The following C8orf34 variants were observed in gnomAD, a reference collection of about 807,000 sequenced individuals.
C8orf34 encodes the protein chromosome 8 open reading frame 34.
A neutral mutation model predicts 68.3 loss-of-function variants in C8orf34; 65 were observed. The ratio of observed to expected loss-of-function variants is 0.95; its 90% CI spans 0.78 to 1.17. C8orf34 has a LOEUF of 1.17. C8orf34 is among the 50% of genes most tolerant of loss of function. The probability of loss-of-function intolerance (pLI) is 0.00; values close to 1 mark genes in which losing one functional copy is unlikely to be tolerated. For synonymous variants in C8orf34, 244 were observed against 241.2 expected (o/e 1.01, Z -0.11); for missense variants, 664 against 655.4 (o/e 1.01, Z -0.14).
At chr8:68,755,394 T>A (rs1311795779) in intron 10 of C8orf34, among the ~76,000 whole-genome samples, 1 of 152,276 alleles carries the variant, frequency 6.6e-6, no homozygotes, top group Non-Finnish European at 1.5e-5. Flanking sequence ...GCCAGCATTA[T>A]AAAGGTGTTG....
chr8:68,473,895 C>T lies in C8orf34; in HGVS notation c.736+5075C>T, dbSNP rs577316416. ...CTGGTAGTTGTAACCCTGTTGATTA[C>T]GCTGTCATTCTTCTGACTCCCTGCT... On this transcript the variant is annotated intron_variant, in intron 4 of 13. Transcript: ENST00000518698. Among the ~76,000 whole-genome samples, 126 of 152,252 alleles carry T rather than the reference C, an allele frequency of 8.3e-4. 1 individual carries two copies. The highest frequency in any genetic ancestry group is 2.7e-3 in the African/African-American group (114 of 41,544).
intron 7 of C8orf34, among the ~76,000 whole-genome samples, chr8:68,591,514 T>C (rs896303738): frequency 6.6e-6 from 1 of 152,134 alleles, no homozygotes; most frequent in African/African-American, 2.4e-5. Flanking sequence ...TCATAAACAG[T>C]AGGTCCTGTA....
intron 10 of C8orf34, among the ~76,000 whole-genome samples, chr8:68,755,274 G>C (rs990429161): frequency 6.6e-6 from 1 of 152,174 alleles, no homozygotes; most frequent in Non-Finnish European, 1.5e-5. Flanking sequence ...CGGATTATGT[G>C]AGTGTCTTCC....
At chr8:68,462,263 C>T (rs1811872144) in intron 3 of C8orf34, among the ~76,000 whole-genome samples, 1 of 152,028 alleles carries the variant, frequency 6.6e-6, no homozygotes, top group African/African-American at 2.4e-5. Context: ...TATATGCACC[C>T]AATACAGGAA....
At chr8:68,740,520 A>G (rs1449476830) in intron 10 of C8orf34, among the ~76,000 whole-genome samples, 1 of 152,216 alleles carries the variant, frequency 6.6e-6, no homozygotes. Flanking sequence ...AGAAATGCAA[A>G]TCAAAATCAC....
chr8:68,719,928 A>T (rs1271276780), intron 9 of C8orf34, among the ~76,000 whole-genome samples: 2 of 151,980 alleles, frequency 1.3e-5, no homozygotes, highest in African/African-American at 2.4e-5. Flanking sequence ...AGTTCTGCAG[A>T]ATATAATTCA....
At chr8:68,433,675 C>T (rs1030408859) in intron 1 of C8orf34, among the ~76,000 whole-genome samples, 1 of 152,120 alleles carries the variant, frequency 6.6e-6, no homozygotes, top group African/African-American at 2.4e-5. Flanking sequence ...TGGGTAAACA[C>T]CAGGAATATT....
intron 5 of C8orf34, among the ~76,000 whole-genome samples, chr8:68,499,124 T>C (rs1195824712): frequency 6.6e-6 from 1 of 152,124 alleles, no homozygotes; most frequent in Admixed American, 6.5e-5. Flanking sequence ...TTCCCATCTT[T>C]ATGGCCATGT....
intron 10 of C8orf34, among the ~76,000 whole-genome samples, chr8:68,724,206 T>C (rs1178998694): frequency 6.6e-6 from 1 of 152,182 alleles, no homozygotes; most frequent in Non-Finnish European, 1.5e-5. Context: ...GTAGTATTTC[T>C]TGGGATAGTA....
chr8:68,339,696 A>C (rs1805992681), intron 1 of C8orf34, among the ~76,000 whole-genome samples: 1 of 151,942 alleles, frequency 6.6e-6, no homozygotes, highest in African/African-American at 2.4e-5. Flanking sequence ...TTTTCTTCTC[A>C]AAGAGAGTGT....
At chr8:68,613,740 C>CAATA (rs1818101395) in intron 7 of C8orf34, among the ~76,000 whole-genome samples, 1 of 151,710 alleles carries the variant, frequency 6.6e-6, no homozygotes. Context: ...AATAGTGCTG[C>CAATA]AATAAATATA....
intron 10 of C8orf34, among the ~76,000 whole-genome samples, chr8:68,727,384 T>C (rs1308318963): frequency 6.6e-6 from 1 of 152,204 alleles, no homozygotes; most frequent in East Asian, 1.9e-4. Flanking sequence ...TCCTGGCTGC[T>C]TTCATGGGCT....
intron 7 of C8orf34, among the ~76,000 whole-genome samples, chr8:68,547,556 T>G (rs1349202279): frequency 6.6e-6 from 1 of 151,564 alleles, no homozygotes; most frequent in East Asian, 1.9e-4. Context: ...TACCAAAACC[T>G]GGCAAAGACA....
At chr8:68,572,227 C>T (rs1285213256) in intron 7 of C8orf34, among the ~76,000 whole-genome samples, 1 of 140,126 alleles carries the variant, frequency 7.1e-6, no homozygotes, top group East Asian at 2.0e-4. Flanking sequence ...TGGTGCATGA[C>T]TGTATAGACA....
intron 7 of C8orf34, among the ~76,000 whole-genome samples, chr8:68,593,327 G>A (rs1200879068): frequency 6.6e-6 from 1 of 152,010 alleles, no homozygotes; most frequent in African/African-American, 2.4e-5. Flanking sequence ...ATATGTGAAA[G>A]ATTGTACATT....
At chr8:68,742,705 C>T (rs1433169866) in intron 10 of C8orf34, among the ~76,000 whole-genome samples, 2 of 152,202 alleles carry the variant, frequency 1.3e-5, no homozygotes, top group Non-Finnish European at 2.9e-5. Flanking sequence ...CCTTACCTGT[C>T]TTCTGCCCTT....
chr8:68,786,871 T>C (rs1823860321), intron 11 of C8orf34, among the ~76,000 whole-genome samples: 1 of 152,160 alleles, frequency 6.6e-6, no homozygotes, highest in Non-Finnish European at 1.5e-5. Flanking sequence ...CTGGAAAACT[T>C]CCCAGATGGC....
At chr8:68,748,942 G>T (rs1311979582) in intron 10 of C8orf34, among the ~76,000 whole-genome samples, 1 of 152,152 alleles carries the variant, frequency 6.6e-6, no homozygotes, top group Non-Finnish European at 1.5e-5. Context: ...GCACACGTAT[G>T]TTTATTGCGG....
rs137905226 is a variant in C8orf34 at position 68,707,794 on chromosome 8, T to C, written c.1242-1200T>C. Among the ~76,000 whole-genome samples the C allele has an allele frequency of 6.6e-5, 10 of 152,212 alleles. No homozygotes were observed. The East Asian group carries it at 1.9e-3, about 30-fold the overall frequency. ...CAATGTGTTGGAGCTCATTGTGAAT[T>C]TTCAATAATAATTTTTACTTATACC... On this transcript the variant is annotated intron_variant, in intron 8 of 13. Transcript: ENST00000518698.
Sources: gnomAD v4.1 joint callset for allele counts (sites outside exome capture counted in the v4.1 genomes callset) on GRCh38, gnomAD v4.1.1 for gene constraint, MANE v1.5 for transcripts, NCBI Gene and HGNC (gene_info 2026-07-23, HGNC 2026-07-21) for gene names.